The following SMO variants were observed in gnomAD, a reference collection of about 807,000 sequenced individuals.
SMO encodes the protein smoothened, frizzled class receptor, also known as protein smoothened.
SMO carries 40 observed loss-of-function variants against 81.6 expected under a neutral mutation model. The observed-to-expected ratio is 0.49, with a 90% confidence interval of 0.38 to 0.64. The LOEUF (loss-of-function observed/expected upper bound fraction) is 0.64, where lower values mean the gene tolerates loss of function less well. Ranked by LOEUF, SMO falls within the 30% of genes least tolerant of loss-of-function variation. The pLI, the probability that SMO is intolerant of heterozygous loss-of-function variation, is 0.00. For missense variants in SMO, 916 were observed against 1,061.1 expected, an observed-to-expected ratio of 0.86 and a Z score of 1.90; for synonymous variants, 434 against 432.1, an observed-to-expected ratio of 1.00 and a Z score of -0.05.
In SMO at chr7:129,193,348, G is replaced by A. The variant is rs116591769; in HGVS notation, c.331+3866G>A. ...ATTTCTTGTTTGCCTCTCACACATT[G>A]AATTGAGGGCTGAGAGGAGGAATGT... On this transcript the variant is annotated intron_variant, in intron 1 of 11. Transcript: ENST00000249373. Among the ~76,000 whole-genome samples, 508 of 152,262 alleles carry A rather than the reference G, an allele frequency of 3.3e-3. 4 individuals carry two copies. Among genetic ancestry groups the A allele is most frequent in the African/African-American group, 0.011 (476 of 41,548 alleles).
Position 129,211,521 on chromosome 7 carries a change from T to G in SMO, c.1802-115T>G, listed in dbSNP as rs1793869738. 8.5e-7 allele frequency: 1 copy of G among 1,182,284 alleles called. No homozygotes were observed. 73.2% of individuals were successfully genotyped at this position (1,182,284 alleles called of 1,614,324 possible). A position where few individuals can be genotyped will look rare whatever the true frequency, so the allele number is the denominator to read the frequency against. On this transcript the variant is annotated intron_variant, in intron 10 of 11. Coordinates refer to ENST00000249373, the MANE Select transcript of SMO (RefSeq NM_005631.5). The surrounding 1 kb of genome is among the most constrained non-coding windows in gnomAD (Gnocchi z 4.6). ...CACCGTGGTTACAGGGTGAGCTTTC[T>G]CTGGTGAGCAGGAGGGACTGGCTGT...
In SMO at chr7:129,189,414, C is replaced by T. The variant is rs1327220746; in HGVS notation, c.263C>T (p.Thr88Ile). ...CLGSVLPYGA[T>I]STLLAGDSDS... The stretch of plus-strand genomic sequence containing the variant: ...GGCTCGGTGCTGCCCTACGGGGCCA[C>T]CTCCACACTGCTGGCCGGAGACTCG... The change falls in exon 1 of 12, where the codon ACC (threonine) becomes ATC (isoleucine). Residue 88 changes from threonine (T) to isoleucine (I), a missense_variant. This residue lies in a region of SMO where 146 missense variants were observed against 149.9 expected (regional missense o/e 0.97). Transcript: ENST00000249373. This position sits in a 1 kb window ranked among gnomAD's most constrained non-coding sequence, Gnocchi z 4.7. The T allele has an allele frequency of 1.3e-6, 2 of 1,538,502 alleles. No individual in the cohort carries two copies. Among genetic ancestry groups the T allele is most frequent in the Admixed American group, 2.0e-5 (1 of 50,980 alleles).
At chr7:129,205,015 A>AG (rs1793739884) in intron 2 of SMO, among the ~76,000 whole-genome samples, 188 bp from the exon 3 acceptor site, 3 of 65,956 alleles carry the variant, frequency 4.5e-5, no homozygotes, top group Non-Finnish European at 7.4e-5. Flanking sequence ...AAAGAAAGAA[A>AG]AAAAGAAAGA....
In SMO at chr7:129,188,821, A is replaced by C; in HGVS notation, c.-331A>C. ...CCTCGCGGGGCGGGGAGGTGGCTTTAATGGTGGGAGAGGGAATGGGGCTGG... is the reference window on the plus strand; with the variant it reads ...CCTCGCGGGGCGGGGAGGTGGCTTTCATGGTGGGAGAGGGAATGGGGCTGG... On this transcript the variant is annotated 5_prime_UTR_variant, in exon 1 of 12. Coordinates refer to ENST00000249373, the MANE Select transcript of SMO (RefSeq NM_005631.5). The surrounding 1 kb of genome is among the most constrained non-coding windows in gnomAD (Gnocchi z 4.9). 4.5e-6 allele frequency: 1 copy of C among 222,416 alleles called. No individual in the cohort carries two copies. Among genetic ancestry groups the C allele is most frequent in the Non-Finnish European group, 8.9e-6 (1 of 111,864 alleles). The allele number at this position is 222,416 out of a possible 1,614,324, so 13.8% of individuals were successfully genotyped here.
chr7:129,211,140 G>A lies in SMO; in HGVS notation c.1801+27G>A, dbSNP rs2150654953. On this transcript the variant is annotated intron_variant, in intron 10 of 11. Coordinates refer to ENST00000249373, the MANE Select transcript of SMO (RefSeq NM_005631.5). This position sits in a 1 kb window ranked among gnomAD's most constrained non-coding sequence, Gnocchi z 4.6. Reference sequence around the variant, plus strand: ...TGAGCCTCACCCCTCCTCTACCGGAGCCGCCTGGCCCCGCGCTGCCCATGT... The same window carrying A: ...TGAGCCTCACCCCTCCTCTACCGGAACCGCCTGGCCCCGCGCTGCCCATGT... The A allele has an allele frequency of 1.9e-6, 3 of 1,586,916 alleles. No individual in the cohort carries two copies. Among genetic ancestry groups the A allele is most frequent in the Non-Finnish European group, 2.6e-6 (3 of 1,166,092 alleles).
At chr7:129,192,206 G>A (rs1482257766) in intron 1 of SMO, among the ~76,000 whole-genome samples, 1 of 152,200 alleles carries the variant, frequency 6.6e-6, no homozygotes, top group African/African-American at 2.4e-5. Context: ...TTGCCTGGCC[G>A]AGGGAGAGTT....
intron 2 of SMO, 70 bp from the exon 3 acceptor site, chr7:129,205,133 T>C: frequency 2.2e-6 from 3 of 1,365,814 alleles, no homozygotes; most frequent in Middle Eastern, 3.6e-4. Flanking sequence ...GCTACCTAGA[T>C]ACCTTTCCCT....
chr7:129,209,059 C>G lies in SMO; in HGVS notation c.1357+208C>G, dbSNP rs992836143. 4.9e-5 allele frequency: 30 copies of G among 614,932 alleles called. No homozygotes were observed. The South Asian group carries it at 5.3e-4, about 11-fold the overall frequency. The allele number at this position is 614,932 out of a possible 1,614,324, so 38.1% of individuals were successfully genotyped here. ...GGGAAGAATTCAGTCAAGTTCATGC[C>G]GGGACTGGTTCCTCCTGCCCACTAC... On this transcript the variant is annotated intron_variant, in intron 7 of 11. Transcript: ENST00000249373.
At chr7:129,195,725 T>G (rs1391024265) in intron 1 of SMO, among the ~76,000 whole-genome samples, 1 of 152,142 alleles carries the variant, frequency 6.6e-6, no homozygotes, top group Non-Finnish European at 1.5e-5. Flanking sequence ...TCAAAGTGAT[T>G]ATAAGCATTG....
chr7:129,205,863 T>C (rs1327264150), intron 4 of SMO, 81 bp downstream of exon 4: 5 of 1,298,982 alleles, frequency 3.8e-6, no homozygotes, highest in Admixed American at 2.0e-5. Context: ...AGCAGGTGCG[T>C]GTAAAACCGA....
chr7:129,198,682 T>C (rs780617535), intron 1 of SMO, among the ~76,000 whole-genome samples: 3 of 152,262 alleles, frequency 2.0e-5, no homozygotes, highest in Non-Finnish European at 4.4e-5. Context: ...CTCACCGTTG[T>C]GTTACAGTTG....
At chr7:129,209,837 T>C (rs919663265) in intron 8 of SMO, 2 of 187,390 alleles carry the variant, frequency 1.1e-5, no homozygotes, top group African/African-American at 4.7e-5. Flanking sequence ...GAGGATGGAT[T>C]GGAGAGAGTA....
At chr7:129,197,870 A>G (rs1388466673) in intron 1 of SMO, among the ~76,000 whole-genome samples, 1 of 152,232 alleles carries the variant, frequency 6.6e-6, no homozygotes, top group Non-Finnish European at 1.5e-5. Context: ...AGTCATCAGA[A>G]TCACACAAAT....
intron 2 of SMO, among the ~76,000 whole-genome samples, chr7:129,203,910 G>A (rs929633158): frequency 6.6e-6 from 1 of 151,966 alleles, no homozygotes; most frequent in Non-Finnish European, 1.5e-5. Flanking sequence ...GAGTTAAGGC[G>A]CGAGCGTGTG....
Position 129,206,576 on chromosome 7 carries a change from TC to T in SMO, c.1255del (p.Leu419SerfsTer6). ...CTGGTGCTCATCGTGGGAGGCTACT[TC>T]CTCATCCGAGGTGAGTGAAGACCAG... Reference protein sequence around the residue: ...IGLVLIVGGYFLIRGVMTLFS... With the variant: ...IGLVLIVGGYXLIRGVMTLFS... On this transcript the variant is annotated frameshift_variant, in exon 6 of 12. Coordinates refer to ENST00000249373, the MANE Select transcript of SMO (RefSeq NM_005631.5). LOFTEE classifies it high-confidence loss of function. The surrounding 1 kb of genome is among the most constrained non-coding windows in gnomAD (Gnocchi z 4.4). 1 of 1,614,126 alleles carries T rather than the reference TC, an allele frequency of 6.2e-7. No individual in the cohort carries two copies. The highest frequency in any genetic ancestry group is 8.5e-7 in the Non-Finnish European group (1 of 1,180,014).
At chr7:129,199,609 G>A (rs1190534031) in intron 1 of SMO, among the ~76,000 whole-genome samples, 1 of 152,116 alleles carries the variant, frequency 6.6e-6, no homozygotes, top group Non-Finnish European at 1.5e-5. Context: ...GGTGGTGTGA[G>A]CCTGTAGTCT....
At position 129,212,984 on chromosome 7, in the gene SMO, G is replaced by A. The variant is rs1002963392; in HGVS notation, c.*533G>A. 1 of 265,052 alleles carries A rather than the reference G, an allele frequency of 3.8e-6. No homozygotes were observed. The highest frequency in any genetic ancestry group is 7.2e-6 in the Non-Finnish European group (1 of 139,146). 16.4% of individuals were successfully genotyped at this position (265,052 alleles called of 1,614,324 possible). ...CCTCTCCCAGGTGTTTGTGGGGCTGGAAGGACCTGCTCCCACAGGGGCCAT... is the reference window on the plus strand; with the variant it reads ...CCTCTCCCAGGTGTTTGTGGGGCTGAAAGGACCTGCTCCCACAGGGGCCAT... On this transcript the variant is annotated 3_prime_UTR_variant, in exon 12 of 12. Coordinates refer to ENST00000249373, the MANE Select transcript of SMO (RefSeq NM_005631.5). This position sits in a 1 kb window ranked among gnomAD's most constrained non-coding sequence, Gnocchi z 5.0.
chr7:129,206,139 T>A lies in SMO; in HGVS notation c.921-11T>A, dbSNP rs1793761552. On this transcript the variant is annotated splice_polypyrimidine_tract_variant and intron_variant, in intron 4 of 11. Transcript: ENST00000249373. The surrounding 1 kb of genome is among the most constrained non-coding windows in gnomAD (Gnocchi z 4.4). The stretch of plus-strand genomic sequence containing the variant: ...TGACCGCCTCAAGTGACACCTCACC[T>A]CTCTGCACAGCTCCAATGAGACTCT... The A allele has an allele frequency of 6.3e-7, 1 of 1,582,888 alleles. No individual in the cohort carries two copies. The highest frequency in any genetic ancestry group is 1.3e-5 in the African/African-American group (1 of 74,650).
chr7:129,207,344 A>G (rs1793790676), intron 6 of SMO, among the ~76,000 whole-genome samples: 1 of 152,320 alleles, frequency 6.6e-6, no homozygotes, highest in East Asian at 1.9e-4. Flanking sequence ...TGTCCCCGGC[A>G]CACACAGCTC....
Sources: gnomAD v4.1 joint callset for allele counts (sites outside exome capture counted in the v4.1 genomes callset) on GRCh38, gnomAD v4.1.1 for gene constraint, gnomAD v4.1.1 regional missense constraint, Gnocchi (gnomAD v3.1) non-coding constraint, MANE v1.5 for transcripts, NCBI Gene and HGNC (gene_info 2026-07-23, HGNC 2026-07-21) for gene names.